The following SSH2 variants were observed in gnomAD, a reference collection of about 807,000 sequenced individuals.
SSH2 encodes protein phosphatase Slingshot homolog 2.
In SSH2, 37 loss-of-function variants were observed where a neutral mutation model predicts 135.2. The observed-to-expected ratio is 0.27, with a 90% CI of 0.21 to 0.36. The LOEUF (loss-of-function observed/expected upper bound fraction) is 0.36, where lower values mean the gene tolerates loss of function less well. SSH2 is among the 10% of genes least tolerant of loss of function. The pLI is 1.00. For synonymous variants in SSH2, 628 were observed against 646.2 expected (o/e 0.97, Z 0.43); for missense variants, 1,408 against 1,765.3 (o/e 0.80, Z 3.63).
In SSH2 at chr17:29,716,147, C is replaced by T. The variant is rs577085975; in HGVS notation, c.189-13085G>A. Reference sequence around the variant, plus strand: ...TCCCTCATCTCCTAGTTTTCTCTCTCCAGTGACTACTTCTCCTCAGCCTGG... The same window carrying T: ...TCCCTCATCTCCTAGTTTTCTCTCTTCAGTGACTACTTCTCCTCAGCCTGG... On this transcript the variant is annotated intron_variant, in intron 3 of 15. Coordinates refer to ENST00000540801, the MANE Select transcript of SSH2 (RefSeq NM_001282129.2). 52 of 186,906 alleles carry T rather than the reference C, an allele frequency of 2.8e-4. No individual in the cohort carries two copies. In the South Asian group the frequency reaches 5.2e-3, roughly 19 times the overall value. 11.6% of individuals were successfully genotyped at this position (186,906 alleles called of 1,614,324 possible). A position where few individuals can be genotyped will look rare whatever the true frequency, so the allele number is the denominator to read the frequency against.
chr17:29,844,744 TTCTA>T (rs1459299166), intron 2 of SSH2, among the ~76,000 whole-genome samples: 3 of 152,210 alleles, frequency 2.0e-5, no homozygotes, highest in Non-Finnish European at 4.4e-5. Flanking sequence ...AAGTAGCTGC[TTCTA>T]TCTATTATCT....
intron 1 of SSH2, among the ~76,000 whole-genome samples, chr17:29,907,385 G>A (rs1056401422): frequency 2.0e-5 from 3 of 152,162 alleles, no homozygotes; most frequent in Admixed American, 1.3e-4. Flanking sequence ...ACATCAGGAA[G>A]AATAGCTAAC....
intron 3 of SSH2, among the ~76,000 whole-genome samples, chr17:29,744,020 T>C (rs1328613571): frequency 1.3e-5 from 2 of 150,606 alleles, no homozygotes; most frequent in South Asian, 2.1e-4. Context: ...GGGCTGACAG[T>C]TGATAAAATA....
chr17:29,863,081 A>G (rs2065792856), intron 1 of SSH2, among the ~76,000 whole-genome samples: 1 of 152,090 alleles, frequency 6.6e-6, no homozygotes, highest in Non-Finnish European at 1.5e-5. Context: ...TTTTTTTAAA[A>G]AAAAGGACAA....
At position 29,655,484 on chromosome 17, in the gene SSH2, C is replaced by T; in HGVS notation, c.1079+77G>A. ...TTAAGATTAAAGTTACCCACTGATA[C>T]CTCTTTGATGGGAAAATGAAGATAA... On this transcript the variant is annotated intron_variant, in intron 12 of 15. Coordinates refer to ENST00000540801, the MANE Select transcript of SSH2 (RefSeq NM_001282129.2). 5 of 1,324,940 alleles carry T rather than the reference C, an allele frequency of 3.8e-6. No individual in the cohort carries two copies. The Middle Eastern group carries it at 5.5e-4, about 145-fold the overall frequency. The allele number at this position is 1,324,940 out of a possible 1,614,324, so 82.1% of individuals were successfully genotyped here.
At chr17:29,800,440 C>T (rs1438594886) in intron 2 of SSH2, among the ~76,000 whole-genome samples, 1 of 152,114 alleles carries the variant, frequency 6.6e-6, no homozygotes, top group Non-Finnish European at 1.5e-5. Flanking sequence ...CCATTCTATT[C>T]TAACAAGTGC....
intron 3 of SSH2, among the ~76,000 whole-genome samples, chr17:29,709,015 T>TATATATATATATATATAGAGAGAG (rs780981175): frequency 6.1e-5 from 5 of 81,592 alleles, no homozygotes; most frequent in African/African-American, 8.2e-5. Flanking sequence ...TATATATATA[T>TATATATATATATATATAGAGAGAG]AGAGAGAGAG....
intron 1 of SSH2, among the ~76,000 whole-genome samples, chr17:29,872,233 C>A (rs1372557714): frequency 6.6e-6 from 1 of 152,180 alleles, no homozygotes; most frequent in Non-Finnish European, 1.5e-5. Context: ...GTTTTACAAT[C>A]CCATGGAATT....
intron 3 of SSH2, among the ~76,000 whole-genome samples, chr17:29,750,832 G>A (rs144340144): frequency 0.013 from 1,978 of 149,762 alleles, 39 homozygotes; most frequent in African/African-American, 0.047. Flanking sequence ...TGGTCAACAC[G>A]GTGAAACCCC....
At chr17:29,910,780 AATCAAAATATTC>A (rs1567648085) in intron 1 of SSH2, among the ~76,000 whole-genome samples, 1 of 152,196 alleles carries the variant, frequency 6.6e-6, no homozygotes, top group Admixed American at 6.5e-5. Flanking sequence ...TTGCTTTTGA[AATCAAAATATTC>A]ATTTGTGTGA....
intron 14 of SSH2, chr17:29,643,362 G>T: frequency 1.3e-6 from 1 of 767,370 alleles, no homozygotes; most frequent in Non-Finnish European, 1.6e-6. Flanking sequence ...CTGTCCCATG[G>T]GTTCAGGAAA....
rs563728948 is a variant in SSH2 at position 29,871,974 on chromosome 17, G to A, written c.64-23045C>T. ...ATGAATAATTACATTGTAGAACACT[G>A]AAATGAGTTACTGTCCTTAATACAA... On this transcript the variant is annotated intron_variant, in intron 1 of 15. Transcript: ENST00000540801. Among the ~76,000 whole-genome samples, 5 of 152,222 alleles carry A rather than the reference G, an allele frequency of 3.3e-5. No individual in the cohort carries two copies. The South Asian group carries it at 1.0e-3, about 32-fold the overall frequency.
At chr17:29,854,702 C>A (rs1388390079) in intron 1 of SSH2, among the ~76,000 whole-genome samples, 1 of 152,030 alleles carries the variant, frequency 6.6e-6, no homozygotes, top group Non-Finnish European at 1.5e-5. Context: ...AATCCCAGCA[C>A]TTTGGGAGGC....
chr17:29,692,013 G>A (rs1214406185), intron 5 of SSH2, among the ~76,000 whole-genome samples: 1 of 151,482 alleles, frequency 6.6e-6, no homozygotes, highest in Non-Finnish European at 1.5e-5. Flanking sequence ...GGTGGCATGG[G>A]CCTGTAATCC....
chr17:29,892,620 T>A (rs1278686806), intron 1 of SSH2, among the ~76,000 whole-genome samples: 1 of 152,040 alleles, frequency 6.6e-6, no homozygotes, highest in Non-Finnish European at 1.5e-5. Context: ...ACTGACTAGC[T>A]TAAATTTTTT....
intron 3 of SSH2, chr17:29,761,464 G>A: frequency 1.0e-6 from 1 of 994,214 alleles, no homozygotes; most frequent in Non-Finnish European, 1.2e-6. Context: ...GCCCCCACCC[G>A]CGTCCGGGGC....
intron 2 of SSH2, among the ~76,000 whole-genome samples, chr17:29,818,618 G>GA (rs1839814024): frequency 6.6e-6 from 1 of 152,032 alleles, no homozygotes; most frequent in Non-Finnish European, 1.5e-5. Context: ...GAAAAAGGAA[G>GA]AAAAAATGGC....
intron 3 of SSH2, among the ~76,000 whole-genome samples, chr17:29,793,087 T>C (rs1427741338): frequency 6.6e-6 from 1 of 152,190 alleles, no homozygotes; most frequent in Non-Finnish European, 1.5e-5. Flanking sequence ...GGATACAAGT[T>C]TGGTAACATT....
rs1598814028 is a variant in SSH2, at chr17:29,692,612, A to G, written c.357+2847T>C. 3.3e-5 allele frequency among the ~76,000 whole-genome samples: 5 copies of G among 152,362 alleles called. No individual in the cohort carries two copies. In the South Asian group the frequency reaches 1.0e-3, roughly 32 times the overall value. On this transcript the variant is annotated intron_variant, in intron 5 of 15. Transcript: ENST00000540801. ...AAATTATTTTAATATTTAGAGGTTC[A>G]AACCAAATTCCAGAAGGTTATCAAT... is the stretch of plus-strand genomic sequence containing the variant.
Sources: gnomAD v4.1 joint callset for allele counts (sites outside exome capture counted in the v4.1 genomes callset) on GRCh38, gnomAD v4.1.1 for gene constraint, MANE v1.5 for transcripts, NCBI Gene and HGNC (gene_info 2026-07-23, HGNC 2026-07-21) for gene names.